Variants in PTH2R observed in about 807,000 individuals in gnomAD.
PTH2R encodes PTH2 receptor.
In PTH2R, 59 loss-of-function variants were observed where a neutral mutation model predicts 60.3. That is an observed-to-expected ratio of 0.98 (90% CI 0.79 to 1.22). The LOEUF is 1.22. Among genes scored for constraint, PTH2R ranks in the 50% most tolerant of loss-of-function variants. The pLI, the probability that PTH2R is intolerant of heterozygous loss-of-function variation, is 0.00. For missense variants in PTH2R, 749 were observed against 682.6 expected (o/e 1.10, Z -1.08); for synonymous variants, 256 against 243.8 (o/e 1.05, Z -0.47).
Position 208,490,682 on chromosome 2 carries a change from T to G in PTH2R, c.1257+2T>G. Reference sequence around the variant, plus strand: ...ATCTACTGCTACTGCAATGGAGAGGTAGGTTTGTAGGAACCTTGGACAGGT... The same window carrying G: ...ATCTACTGCTACTGCAATGGAGAGGGAGGTTTGTAGGAACCTTGGACAGGT... On this transcript the variant is annotated splice_donor_variant, in intron 12 of 12. Transcript: ENST00000272847. LOFTEE classifies it high-confidence loss of function. The G allele has an allele frequency of 6.2e-7, 1 of 1,608,184 alleles. No homozygotes were observed. The highest frequency in any genetic ancestry group is 8.5e-7 in the Non-Finnish European group (1 of 1,178,422).
At position 208,489,089 on chromosome 2, in the gene PTH2R, C is replaced by G; in HGVS notation, c.1154C>G (p.Ser385Cys). The part of the protein sequence containing the change: ...HYIVFVCLPH[S>C]FTGLGWEIRM... Reference sequence around the variant, plus strand: ...ATCGTGTTCGTATGCCTGCCTCACTCCTTCACTGGGCTCGGGTGGGAGATC... The same window carrying G: ...ATCGTGTTCGTATGCCTGCCTCACTGCTTCACTGGGCTCGGGTGGGAGATC... The change falls in exon 11 of 13, where the codon TCC (serine) becomes TGC (cysteine). Residue 385 changes from serine to cysteine, a missense_variant. Coordinates refer to ENST00000272847, the MANE Select transcript of PTH2R (RefSeq NM_005048.4). 1.9e-6 allele frequency: 3 copies of G among 1,614,166 alleles called. No homozygotes were observed. Among genetic ancestry groups the G allele is most frequent in the Non-Finnish European group, 2.5e-6 (3 of 1,180,028 alleles).
At chr2:208,379,872 A>AAG (rs377714091) in intron 1 of PTH2R, among the ~76,000 whole-genome samples, 3 of 151,782 alleles carry the variant, frequency 2.0e-5, no homozygotes, top group African/African-American at 4.9e-5. Context: ...AAAAAAAAAA[A>AAG]AGAGAGAGAG....
chr2:208,413,979 G>A (rs1408793779), intron 1 of PTH2R, among the ~76,000 whole-genome samples: 1 of 152,142 alleles, frequency 6.6e-6, no homozygotes, highest in East Asian at 1.9e-4. Context: ...TCTTCCTGTA[G>A]CTGCAGGCAT....
intron 9 of PTH2R, among the ~76,000 whole-genome samples, chr2:208,470,628 A>T (rs529508710): frequency 4.6e-5 from 7 of 152,280 alleles, no homozygotes; most frequent in Admixed American, 1.3e-4. Flanking sequence ...GCCGCATGGA[A>T]CTGTAAGTCC....
At chr2:208,421,628 T>A (rs1409894423) in intron 1 of PTH2R, among the ~76,000 whole-genome samples, 1 of 152,176 alleles carries the variant, frequency 6.6e-6, no homozygotes, top group East Asian at 1.9e-4. Context: ...AAAAACATGT[T>A]TTCATTGTTA....
intron 11 of PTH2R, 23 bp from the exon 12 acceptor site, chr2:208,490,616 C>T (rs1703382560): frequency 6.2e-7 from 1 of 1,602,328 alleles, no homozygotes. Flanking sequence ...TGGCAGTGGG[C>T]TGACTTTCTC....
chr2:208,462,966 G>A (rs867787973), intron 9 of PTH2R, among the ~76,000 whole-genome samples: 5 of 152,216 alleles, frequency 3.3e-5, no homozygotes, highest in Admixed American at 2.6e-4. Context: ...GAAGGAATCA[G>A]GTTTTTCATT....
rs769848120 is a variant in PTH2R at position 208,444,789 on chromosome 2, A to T, written c.755A>T (p.Tyr252Phe). ...MFIYFLATNY[Y>F]WILVEGLYLH... ...ATTTACTTCCTGGCTACAAATTATT[A>T]TTGGATCCTGGTGGAAGGTCTCTAC... is the stretch of plus-strand genomic sequence containing the variant. The change falls in exon 7 of 13, where the codon TAT becomes TTT. Residue 252 changes from tyrosine to phenylalanine, a missense_variant. Physicochemically the swap from Tyr to Phe is conservative, Grantham distance 22. Coordinates refer to ENST00000272847, the MANE Select transcript of PTH2R (RefSeq NM_005048.4). 2.5e-6 allele frequency: 4 copies of T among 1,613,716 alleles called. No individual in the cohort carries two copies. In the Admixed American group the frequency reaches 6.7e-5, roughly 27 times the overall value.
At chr2:208,468,480 T>G (rs184644439) in intron 9 of PTH2R, among the ~76,000 whole-genome samples, 37 of 152,292 alleles carry the variant, frequency 2.4e-4, no homozygotes, top group African/African-American at 8.7e-4. Context: ...CTAACATCTC[T>G]GATAATCCAG....
At chr2:208,440,763 C>T (rs1702165733) in intron 4 of PTH2R, among the ~76,000 whole-genome samples, 1 of 152,178 alleles carries the variant, frequency 6.6e-6, no homozygotes. Flanking sequence ...GGAGTAAGCC[C>T]TAGTCTTAGT....
intron 1 of PTH2R, among the ~76,000 whole-genome samples, chr2:208,366,950 C>T (rs1361467393): frequency 6.6e-6 from 1 of 152,130 alleles, no homozygotes; most frequent in Non-Finnish European, 1.5e-5. Context: ...TGTTTCTGTA[C>T]CTCACTTCTG....
chr2:208,360,251 C>T (rs1403292463), intron 1 of PTH2R: 2 of 433,902 alleles, frequency 4.6e-6, no homozygotes, highest in East Asian at 7.2e-5. Flanking sequence ...AGAAGAGCGC[C>T]CCACTTGTTC....
chr2:208,416,817 C>G (rs1002017165), intron 1 of PTH2R, among the ~76,000 whole-genome samples: 33 of 152,202 alleles, frequency 2.2e-4, no homozygotes, highest in African/African-American at 7.5e-4. Flanking sequence ...CTACATCTTT[C>G]TCCCGTGCTG....
chr2:208,394,090 G>A (rs907270493), intron 1 of PTH2R, among the ~76,000 whole-genome samples: 1 of 152,186 alleles, frequency 6.6e-6, no homozygotes, highest in African/African-American at 2.4e-5. Context: ...GTCTTGAGGG[G>A]CAAAGAAAGC....
intron 1 of PTH2R, among the ~76,000 whole-genome samples, chr2:208,422,977 C>CT (rs59061456): frequency 6.6e-6 from 1 of 151,828 alleles, no homozygotes; most frequent in Non-Finnish European, 1.5e-5. Context: ...TGTATTCTTC[C>CT]TTTTTTTTCT....
chr2:208,481,932 G>A (rs565086822), intron 10 of PTH2R, among the ~76,000 whole-genome samples: 2 of 152,272 alleles, frequency 1.3e-5, no homozygotes, highest in Non-Finnish European at 2.9e-5. Flanking sequence ...TCGAATGTTT[G>A]TGATTATTAT....
intron 8 of PTH2R, among the ~76,000 whole-genome samples, chr2:208,457,693 G>A (rs1300391589): frequency 4.6e-5 from 7 of 152,180 alleles, no homozygotes; most frequent in Non-Finnish European, 8.8e-5. Context: ...GGAGAGGGAT[G>A]GGGGCAGAGG....
chr2:208,483,948 A>G (rs1201284394), intron 10 of PTH2R, among the ~76,000 whole-genome samples: 2 of 152,202 alleles, frequency 1.3e-5, no homozygotes, highest in East Asian at 3.8e-4. Flanking sequence ...CACTTTTTAA[A>G]TAGGCTTAGG....
chr2:208,371,476 A>G (rs1700700133), intron 1 of PTH2R, among the ~76,000 whole-genome samples: 1 of 152,046 alleles, frequency 6.6e-6, no homozygotes, highest in African/African-American at 2.4e-5. Flanking sequence ...TTGGGAAGTG[A>G]CTCCTTACAG....
Sources: gnomAD v4.1 joint callset for allele counts (sites outside exome capture counted in the v4.1 genomes callset) on GRCh38, gnomAD v4.1.1 for gene constraint, MANE v1.5 for transcripts, NCBI Gene and HGNC (gene_info 2026-07-23, HGNC 2026-07-21) for gene names.